Variants in PCDHGA11 observed in about 807,000 individuals in gnomAD.
PCDHGA11 encodes protocadherin gamma-A11.
Under a neutral mutation model 60.4 loss-of-function variants are expected in PCDHGA11, and 39 were observed. The ratio of observed to expected loss-of-function variants is 0.65; its 90% confidence interval spans 0.50 to 0.84. PCDHGA11 has a LOEUF of 0.84. PCDHGA11 is among the 40% of genes least tolerant of loss of function. The pLI is 0.00. For synonymous variants in PCDHGA11, 533 were observed against 510.3 expected, an observed-to-expected ratio of 1.04 and a Z score of -0.60; for missense variants, 1,165 against 1,197.7, an observed-to-expected ratio of 0.97 and a Z score of 0.40.
chr5:141,462,078 C>T (rs2154567608), intron 1 of PCDHGA11, among the ~76,000 whole-genome samples: 1 of 152,304 alleles, frequency 6.6e-6, no homozygotes, highest in East Asian at 1.9e-4. Flanking sequence ...CCGCCTTGGC[C>T]TCCCAAAATG....
intron 1 of PCDHGA11, chr5:141,440,987 A>C (rs2098217413): frequency 6.6e-6 from 1 of 152,278 alleles, no homozygotes; most frequent in African/African-American, 2.4e-5. Flanking sequence ...AACCCAGAGT[A>C]CCCATATCTA....
At chr5:141,440,779 GC>G (rs2154559027) in intron 1 of PCDHGA11, 1 of 152,294 alleles carries the variant, frequency 6.6e-6, no homozygotes, top group Admixed American at 6.5e-5. Flanking sequence ...AGTGCTAGCA[GC>G]CTTAGACGGC....
Position 141,422,019 on chromosome 5 carries a change from G to C in PCDHGA11, c.792G>C (p.Met264Ile). The C allele has an allele frequency of 6.2e-7, 1 of 1,610,862 alleles. No homozygotes were observed. The highest frequency in any genetic ancestry group is 8.5e-7 in the Non-Finnish European group (1 of 1,178,836). ...ENISSGTRVLMVNATDPDEGI... is the reference protein window; with the variant it reads ...ENISSGTRVLIVNATDPDEGI... Reference sequence around the variant, plus strand: ...TCAGCTCCGGAACTCGGGTGCTGATGGTTAATGCAACGGATCCAGACGAGG... The same window carrying C: ...TCAGCTCCGGAACTCGGGTGCTGATCGTTAATGCAACGGATCCAGACGAGG... Residue 264 changes from methionine to isoleucine, a missense_variant, in exon 1 of 4, where the codon ATG (methionine) becomes ATC (isoleucine). By Grantham distance (10) the Met-to-Ile change is conservative. Coordinates refer to ENST00000398587, the MANE Select transcript of PCDHGA11 (RefSeq NM_018914.3).
At chr5:141,450,932 C>G (rs868373954) in intron 1 of PCDHGA11, among the ~76,000 whole-genome samples, 1 of 151,134 alleles carries the variant, frequency 6.6e-6, no homozygotes, top group Admixed American at 6.6e-5. Context: ...TCAAGCAATT[C>G]TCCTACCTCA....
At chr5:141,435,314 G>T (rs1490871069) in intron 1 of PCDHGA11, among the ~76,000 whole-genome samples, 6 of 152,006 alleles carry the variant, frequency 3.9e-5, no homozygotes, top group African/African-American at 9.7e-5. Flanking sequence ...AATCATTCAT[G>T]AACTTCCAAA....
chr5:141,499,836 A>G (rs2099794751), intron 2 of PCDHGA11, among the ~76,000 whole-genome samples: 1 of 151,894 alleles, frequency 6.6e-6, no homozygotes, highest in African/African-American at 2.4e-5. Flanking sequence ...ACAGGTGTGC[A>G]CCACCACACA....
rs1406362621 is a variant in PCDHGA11, at chr5:141,477,099, G to A, written c.2434-17708G>A. On this transcript the variant is annotated intron_variant, in intron 1 of 3. Transcript: ENST00000398587. This position sits in a 1 kb window ranked among gnomAD's most constrained non-coding sequence, Gnocchi z 4.9. ...ATTTACATCCAGGCCAAAGACAAGG[G>A]CGCCAATCCCGAAGGAGCACATTGC... The A allele has an allele frequency of 6.2e-7, 1 of 1,614,256 alleles. No individual in the cohort carries two copies. Among genetic ancestry groups the A allele is most frequent in the Non-Finnish European group, 8.5e-7 (1 of 1,180,054 alleles).
At chr5:141,458,217 T>C (rs1026901943) in intron 1 of PCDHGA11, among the ~76,000 whole-genome samples, 1 of 152,210 alleles carries the variant, frequency 6.6e-6, no homozygotes, top group Admixed American at 6.5e-5. Context: ...AAAATAAGTT[T>C]CCTTTCCCAG....
At position 141,421,914 on chromosome 5, in the gene PCDHGA11, T is replaced by C; in HGVS notation, c.687T>C (p.Ile229=). 7 of 1,613,742 alleles carry C rather than the reference T, an allele frequency of 4.3e-6. No individual in the cohort carries two copies. The highest frequency in any genetic ancestry group is 5.9e-6 in the Non-Finnish European group (7 of 1,179,868). The part of the protein sequence containing the change: ...GDPIRKGAVP[I]RVVVLDVNDH... ...CCATCCGAAAGGGCGCAGTTCCCAT[T>C]CGTGTGGTGGTCCTCGATGTAAATG... is the stretch of plus-strand genomic sequence containing the variant. Residue 229 remains isoleucine, a synonymous_variant, in exon 1 of 4, where the codon ATT becomes ATC. Coordinates refer to ENST00000398587, the MANE Select transcript of PCDHGA11 (RefSeq NM_018914.3).
intron 1 of PCDHGA11, chr5:141,430,711 C>T (rs2097304226): frequency 1.3e-6 from 2 of 1,483,856 alleles, no homozygotes; most frequent in African/African-American, 2.8e-5. Context: ...CTGCTCCTGA[C>T]TTCAGTGGTT....
chr5:141,422,344 C>A lies in PCDHGA11; in HGVS notation c.1117C>A (p.Gln373Lys). ...TACAGTGATTGCTCTTCTAAATGTG[C>A]AAGATCAAGATTCTGGAGAAAATGG... ...PGTVIALLNV[Q>K]DQDSGENGQV... The change falls in exon 1 of 4, where the codon CAA becomes AAA. Residue 373 changes from glutamine (Q) to lysine (K), a missense_variant. Gln to Lys is a moderately conservative substitution (Grantham distance 53). Coordinates refer to ENST00000398587, the MANE Select transcript of PCDHGA11 (RefSeq NM_018914.3). 1 of 1,550,890 alleles carries A rather than the reference C, an allele frequency of 6.4e-7. No individual in the cohort carries two copies. The highest frequency in any genetic ancestry group is 8.7e-7 in the Non-Finnish European group (1 of 1,154,268).
Position 141,423,367 on chromosome 5 carries a change from G to A in PCDHGA11, c.2140G>A (p.Ala714Thr), listed in dbSNP as rs1478466218. Residue 714 changes from alanine to threonine, a missense_variant, in exon 1 of 4, where the codon GCA becomes ACA. Transcript: ENST00000398587. ...IFLVFVIVLL[A>T]LRLWRWHKSR... ...CCTGGTCTTTGTCATCGTGCTGCTG[G>A]CACTCAGGCTGTGGCGCTGGCATAA... 2 of 1,614,068 alleles carry A rather than the reference G, an allele frequency of 1.2e-6. No homozygotes were observed. Among genetic ancestry groups the A allele is most frequent in the Admixed American group, 1.7e-5 (1 of 60,014 alleles).
chr5:141,486,489 G>T lies in PCDHGA11; in HGVS notation c.2434-8318G>T. 2 of 1,614,060 alleles carry T rather than the reference G, an allele frequency of 1.2e-6. No homozygotes were observed. The highest frequency in any genetic ancestry group is 1.7e-6 in the Non-Finnish European group (2 of 1,179,892). ...GGGAACCCTCCTCTCAGTACCCACA[G>T]AACTATTTTCCTCAATATTTCAGAT... On this transcript the variant is annotated intron_variant, in intron 1 of 3. Coordinates refer to ENST00000398587, the MANE Select transcript of PCDHGA11 (RefSeq NM_018914.3). The surrounding 1 kb of genome is among the most constrained non-coding windows in gnomAD (Gnocchi z 5.0).
Position 141,423,102 on chromosome 5 carries a change from C to T in PCDHGA11, c.1875C>T (p.Gly625=), listed in dbSNP as rs778561065. ...PGLFAVGEHT[G]EVRTARALLD... ...TCTTCGCGGTGGGGGAGCACACGGGCGAGGTGCGTACAGCGCGGGCACTGC... is the reference window on the plus strand; with the variant it reads ...TCTTCGCGGTGGGGGAGCACACGGGTGAGGTGCGTACAGCGCGGGCACTGC... The change falls in exon 1 of 4, where the codon GGC becomes GGT. Residue 625 remains glycine, a synonymous_variant. Transcript: ENST00000398587. 7 of 1,613,920 alleles carry T rather than the reference C, an allele frequency of 4.3e-6. No homozygotes were observed. The highest frequency in any genetic ancestry group is 4.2e-6 in the Non-Finnish European group (5 of 1,179,996).
intron 1 of PCDHGA11, among the ~76,000 whole-genome samples, chr5:141,473,759 C>G (rs989399714): frequency 3.3e-5 from 5 of 152,158 alleles, no homozygotes; most frequent in African/African-American, 1.2e-4. Flanking sequence ...GGATACTATG[C>G]AAAGGATTTG....
chr5:141,451,806 A>G (rs145650418), intron 1 of PCDHGA11, among the ~76,000 whole-genome samples: 6,855 of 150,824 alleles, frequency 0.045, 259 homozygotes, highest in African/African-American at 0.1. Context: ...GCTTGAACCC[A>G]GGAGGCGGAG....
At chr5:141,423,980 G>A (rs2154550577) in intron 1 of PCDHGA11, 1 of 1,110,878 alleles carries the variant, frequency 9.0e-7, no homozygotes, top group South Asian at 4.5e-5. Flanking sequence ...AGTGTATGAG[G>A]CTCTCAATTT....
intron 1 of PCDHGA11, among the ~76,000 whole-genome samples, chr5:141,438,921 C>T (rs1204218608): frequency 6.6e-6 from 1 of 151,970 alleles, no homozygotes; most frequent in Non-Finnish European, 1.5e-5. Context: ...CTGCCTTGGC[C>T]TCCCAAAGTG....
intron 1 of PCDHGA11, among the ~76,000 whole-genome samples, chr5:141,454,266 C>T (rs2098785508): frequency 1.3e-5 from 2 of 152,132 alleles, no homozygotes; most frequent in African/African-American, 4.8e-5. Flanking sequence ...AAAGTAATGC[C>T]AGCAAAAACT....
Sources: gnomAD v4.1 joint callset for allele counts (sites outside exome capture counted in the v4.1 genomes callset) on GRCh38, gnomAD v4.1.1 for gene constraint, Gnocchi (gnomAD v3.1) non-coding constraint, MANE v1.5 for transcripts, NCBI Gene and HGNC (gene_info 2026-07-23, HGNC 2026-07-21) for gene names.